GLIS3: variants seen among roughly 807,000 people sequenced by gnomAD.
GLIS3 encodes GLIS family zinc finger 3.
A neutral mutation model predicts 78.6 loss-of-function variants in GLIS3; 53 were observed. The ratio of observed to expected loss-of-function variants is 0.67; its 90% CI spans 0.54 to 0.85. GLIS3 has a LOEUF of 0.85. GLIS3 is among the 40% of genes least tolerant of loss of function. GLIS3 has a pLI of 0.00. For missense variants in GLIS3, 1,703 were observed against 1,231.1 expected (o/e 1.38, Z -5.74); for synonymous variants, 684 against 509.9 (o/e 1.34, Z -4.60).
At chr9:4,245,195 G>A (rs374821725) in intron 2 of GLIS3, among the ~76,000 whole-genome samples, 20 of 152,264 alleles carry the variant, frequency 1.3e-4, no homozygotes, top group Non-Finnish European at 1.0e-4. Flanking sequence ...GATCATGTTG[G>A]TTTAGAGGGA....
chr9:3,863,634 G>A (rs1187232356), intron 8 of GLIS3, among the ~76,000 whole-genome samples: 1 of 152,242 alleles, frequency 6.6e-6, no homozygotes, highest in African/African-American at 2.4e-5. Flanking sequence ...ATGACAAAAT[G>A]AAGTCTGTGA....
rs1344778781 is a variant in GLIS3, at chr9:4,047,729, A to G, written c.1710+70039T>C. Among the ~76,000 whole-genome samples, 3 of 152,288 alleles carry G rather than the reference A, an allele frequency of 2.0e-5. No homozygotes were observed. The East Asian group carries it at 5.8e-4, about 29-fold the overall frequency. On this transcript the variant is annotated intron_variant, in intron 4 of 10. Transcript: ENST00000381971. ...GGGAGTCGGCTCAGTGTGCTACCCCATGCCAGCACAGAAAAGGGAACCCTA... is the reference window on the plus strand; with the variant it reads ...GGGAGTCGGCTCAGTGTGCTACCCCGTGCCAGCACAGAAAAGGGAACCCTA...
At chr9:4,351,430 A>G (rs770934938), upstream of GLIS3, among the ~76,000 whole-genome samples, 1 of 151,878 alleles carries the variant, frequency 6.6e-6, no homozygotes, top group Non-Finnish European at 1.5e-5. Context: ...GGTGAGGAGA[A>G]ATCTTTTACA....
intron 4 of GLIS3, among the ~76,000 whole-genome samples, chr9:4,044,702 G>T (rs1427943348): frequency 6.6e-6 from 1 of 152,152 alleles, no homozygotes. Flanking sequence ...ATGACTGAGG[G>T]TGACTGCTCA....
Position 4,296,903 on chromosome 9 carries a change from CAAAAAAAAAAA to C in GLIS3, c.-99+2507_-99+2517del, listed in dbSNP as rs71324297. ...TTACACCTCAGCTTGTTCTCAATTG[CAAAAAAAAAAA>C]AAAAAAAAAAAAATGCATATAATCT... On this transcript the variant is annotated intron_variant, in intron 1 of 10. Coordinates refer to ENST00000381971, the MANE Select transcript of GLIS3 (RefSeq NM_001042413.2). Among the ~76,000 whole-genome samples the C allele has an allele frequency of 4.6e-4, 52 of 114,158 alleles. No individual in the cohort carries two copies. The South Asian group carries it at 0.012, about 26-fold the overall frequency. The allele number at this position is 114,158 out of a possible 152,430, so 74.9% of individuals were successfully genotyped here.
intron 2 of GLIS3, among the ~76,000 whole-genome samples, chr9:4,232,976 T>C (rs1822406241): frequency 6.6e-6 from 1 of 152,200 alleles, no homozygotes; most frequent in African/African-American, 2.4e-5. Flanking sequence ...TCTTCTCTGT[T>C]TCTAGAATAT....
At chr9:4,260,342 C>T (rs1825394502) in intron 2 of GLIS3, among the ~76,000 whole-genome samples, 1 of 151,900 alleles carries the variant, frequency 6.6e-6, no homozygotes, top group Non-Finnish European at 1.5e-5. Context: ...CGAGGTGGGT[C>T]GATCACGAGG....
At chr9:4,452,050 A>T in the GLIS3 span, among the ~76,000 whole-genome samples, 4 of 152,166 alleles carry the variant, frequency 2.6e-5, no homozygotes, top group Admixed American at 6.5e-5. Flanking sequence ...TCCATCACAT[A>T]AACAGAATCA....
At chr9:4,343,942 G>C (rs1359895315) in intron 2 of GLIS3, among the ~76,000 whole-genome samples, 1 of 152,070 alleles carries the variant, frequency 6.6e-6, no homozygotes, top group Non-Finnish European at 1.5e-5. Context: ...GGAGGGTGAG[G>C]ACTGAAAATC....
intron 6 of GLIS3, among the ~76,000 whole-genome samples, chr9:3,925,285 A>C (rs113783727): frequency 2.1e-3 from 325 of 152,104 alleles, no homozygotes; most frequent in African/African-American, 7.5e-3. Flanking sequence ...CCCCCACTAT[A>C]CTGAAAGCTG....
intron 2 of GLIS3, among the ~76,000 whole-genome samples, chr9:4,324,529 T>G (rs948707502): frequency 2.7e-5 from 4 of 150,466 alleles, no homozygotes; most frequent in African/African-American, 1.0e-4. Flanking sequence ...TTATGGTAGT[T>G]ATTATTATGA....
chr9:4,204,932 A>G (rs2131277382), intron 2 of GLIS3, among the ~76,000 whole-genome samples: 1 of 150,862 alleles, frequency 6.6e-6, no homozygotes, highest in East Asian at 2.0e-4. Context: ...AGAAGGAGTC[A>G]GTTGGGAGGC....
chr9:4,087,873 A>T (rs1416496431), intron 4 of GLIS3, among the ~76,000 whole-genome samples: 1 of 152,150 alleles, frequency 6.6e-6, no homozygotes. Context: ...TTGGCCCCTC[A>T]ACACAGGAAT....
At chr9:4,009,995 G>C (rs753960049) in intron 4 of GLIS3, among the ~76,000 whole-genome samples, 2 of 152,194 alleles carry the variant, frequency 1.3e-5, no homozygotes, top group African/African-American at 2.4e-5. Context: ...CTCTACGTCA[G>C]CACTGTTGAC....
At chr9:4,407,242 G>A in the GLIS3 span, among the ~76,000 whole-genome samples, 76 of 152,286 alleles carry the variant, frequency 5.0e-4, no homozygotes, top group East Asian at 3.3e-3. Flanking sequence ...ATATCCTTAC[G>A]CAGAAGAATG....
At chr9:4,033,050 T>C (rs986591627) in intron 4 of GLIS3, among the ~76,000 whole-genome samples, 4 of 152,102 alleles carry the variant, frequency 2.6e-5, no homozygotes, top group African/African-American at 9.7e-5. Flanking sequence ...AGACGGGGTT[T>C]CACCGGGTTA....
chr9:4,375,000 C>A, the GLIS3 span, among the ~76,000 whole-genome samples: 1 of 152,148 alleles, frequency 6.6e-6, no homozygotes. Flanking sequence ...TTTCAACCCC[C>A]CTACTGTTGG....
chr9:3,890,754 C>A (rs899591681), intron 7 of GLIS3, among the ~76,000 whole-genome samples: 3 of 149,358 alleles, frequency 2.0e-5, no homozygotes, highest in Non-Finnish European at 4.4e-5. Flanking sequence ...AACCAAACAA[C>A]AACAACAACA....
chr9:4,442,745 T>G, the GLIS3 span, among the ~76,000 whole-genome samples: 2 of 152,290 alleles, frequency 1.3e-5, no homozygotes, highest in South Asian at 4.1e-4. Context: ...TACCATTAGA[T>G]TTCTTTACAT....
Sources: gnomAD v4.1 joint callset for allele counts (sites outside exome capture counted in the v4.1 genomes callset) on GRCh38, gnomAD v4.1.1 for gene constraint, MANE v1.5 for transcripts, NCBI Gene and HGNC (gene_info 2026-07-23, HGNC 2026-07-21) for gene names.